The following WDR27 variants were observed in gnomAD, a reference collection of about 807,000 sequenced individuals.
WDR27 encodes WD repeat domain 27, also known as WD repeat-containing protein 27.
Under a neutral mutation model 114.4 loss-of-function variants are expected in WDR27, and 100 were observed. The ratio of observed to expected loss-of-function variants is 0.87; its 90% CI spans 0.74 to 1.03. The LOEUF is 1.03. Among genes scored for constraint, WDR27 ranks in the 50% least tolerant of loss-of-function variants. The pLI is 0.00. For missense variants in WDR27, 1,129 were observed against 1,092.9 expected, an observed-to-expected ratio of 1.03 and a Z score of -0.47; for synonymous variants, 449 against 423.1, an observed-to-expected ratio of 1.06 and a Z score of -0.75.
At chr6:169,554,808 G>A (rs542437924) in intron 25 of WDR27, among the ~76,000 whole-genome samples, 53 of 152,240 alleles carry the variant, frequency 3.5e-4, no homozygotes, top group African/African-American at 1.2e-3. Flanking sequence ...CATAAAACTC[G>A]CTTGGCTTCT....
At chr6:169,512,301 C>A (rs1793004326) in intron 25 of WDR27, among the ~76,000 whole-genome samples, 1 of 152,016 alleles carries the variant, frequency 6.6e-6, no homozygotes, top group Non-Finnish European at 1.5e-5. Context: ...TTTCAAAAAT[C>A]CAATACTTTG....
intron 16 of WDR27, 59 bp downstream of exon 16, chr6:169,647,714 G>T: frequency 2.3e-6 from 3 of 1,319,332 alleles, no homozygotes. Context: ...GTTTACAGTG[G>T]GCAGAATCAA....
chr6:169,642,231 C>G (rs1231543198), intron 17 of WDR27, among the ~76,000 whole-genome samples: 1 of 152,122 alleles, frequency 6.6e-6, no homozygotes, highest in Non-Finnish European at 1.5e-5. Context: ...TGAGCGATGC[C>G]ACTATTAAAC....
chr6:169,490,582 G>T (rs1226271252), intron 25 of WDR27, among the ~76,000 whole-genome samples: 1 of 152,174 alleles, frequency 6.6e-6, no homozygotes, highest in Non-Finnish European at 1.5e-5. Flanking sequence ...TAAATGCTTT[G>T]CCAGTGAAGC....
intron 16 of WDR27, among the ~76,000 whole-genome samples, chr6:169,645,058 A>AAAAAAAAAAAAAAAAAAAAC (rs1820298986): frequency 7.2e-6 from 1 of 138,384 alleles, no homozygotes; most frequent in Non-Finnish European, 1.5e-5. Context: ...AAAAAAAAAA[A>AAAAAAAAAAAAAAAAAAAAC]GAAAATCCTA....
intron 10 of WDR27, among the ~76,000 whole-genome samples, chr6:169,660,081 A>G (rs1825613851): frequency 6.7e-6 from 1 of 148,210 alleles, no homozygotes; most frequent in African/African-American, 2.5e-5. Flanking sequence ...AGTGGAGGAG[A>G]GGGACGGAAT....
chr6:169,457,741 C>G lies in WDR27; in HGVS notation c.2646-107G>C, dbSNP rs572654346. ...TGTTATTTTCCTTATTTTTAATGTT[C>G]TGGAACATCGAGTAAAATACATTAA... On this transcript the variant is annotated intron_variant, in intron 25 of 25. Transcript: ENST00000448612. The G allele has an allele frequency of 3.2e-4, 258 of 798,992 alleles. No individual in the cohort carries two copies. In the African/African-American group the frequency reaches 3.6e-3, roughly 11 times the overall value. 49.5% of individuals were successfully genotyped at this position (798,992 alleles called of 1,614,324 possible).
At chr6:169,533,378 T>C (rs1795838377) in intron 25 of WDR27, among the ~76,000 whole-genome samples, 1 of 151,490 alleles carries the variant, frequency 6.6e-6, no homozygotes, top group Admixed American at 6.6e-5. Context: ...TGCCCAGGAG[T>C]GACTGGGGAC....
At chr6:169,657,293 T>C (rs1481302048) in intron 13 of WDR27, among the ~76,000 whole-genome samples, 1 of 152,158 alleles carries the variant, frequency 6.6e-6, no homozygotes, top group East Asian at 1.9e-4. Flanking sequence ...TTTCAAAAAG[T>C]CTGGTAGGGA....
intron 2 of WDR27, among the ~76,000 whole-genome samples, chr6:169,688,062 C>T (rs1585172007): frequency 6.6e-6 from 1 of 152,064 alleles, no homozygotes; most frequent in Admixed American, 6.6e-5. Flanking sequence ...TTCTATTTAT[C>T]ATTCTATAAT....
chr6:169,664,183 C>G lies in WDR27; in HGVS notation c.887G>C (p.Gly296Ala). The G allele has an allele frequency of 1.2e-6, 2 of 1,603,500 alleles. No individual in the cohort carries two copies. The highest frequency in any genetic ancestry group is 8.5e-7 in the Non-Finnish European group (1 of 1,174,618). The change falls in exon 8 of 26, where the codon GGG becomes GCG. Residue 296 changes from glycine (G) to alanine (A), a missense_variant. Physicochemically the swap from Gly to Ala is moderately conservative, Grantham distance 60 (BLOSUM62 0). Coordinates refer to ENST00000448612, the MANE Select transcript of WDR27 (RefSeq NM_182552.5). ...CAACCCACCTGGCTGGCTGCACAGC[C>G]CAGACTTAACCCTTCTTGTGGAGAA... is the stretch of plus-strand genomic sequence containing the variant. The part of the protein sequence containing the change: ...ETFSTRRVKS[G>A]LCSQPEESQL...
At chr6:169,663,999 C>A (rs1358265347) in intron 8 of WDR27, among the ~76,000 whole-genome samples, 167 bp downstream of exon 8, 1 of 152,218 alleles carries the variant, frequency 6.6e-6, no homozygotes, top group East Asian at 1.9e-4. Flanking sequence ...TGATGGCCCA[C>A]CCCTCACATG....
At chr6:169,624,127 T>TGCC (rs1814092612) in intron 21 of WDR27, among the ~76,000 whole-genome samples, 1 of 150,480 alleles carries the variant, frequency 6.6e-6, no homozygotes, top group Non-Finnish European at 1.5e-5. Flanking sequence ...GGGTCAGGTG[T>TGCC]GTGGTGTCAG....
At chr6:169,645,023 T>TAAAAAAAAAAAAAAAAAAAAAA (rs776362942) in intron 16 of WDR27, among the ~76,000 whole-genome samples, 1 of 46,980 alleles carries the variant, frequency 2.1e-5, no homozygotes, top group Non-Finnish European at 3.9e-5. Flanking sequence ...AAAAAAAAAA[T>TAAAAAAAAAAAAAAAAAAAAAA]AAAAAAAAAA....
At chr6:169,646,157 C>T (rs1361169567) in intron 16 of WDR27, among the ~76,000 whole-genome samples, 4 of 152,318 alleles carry the variant, frequency 2.6e-5, no homozygotes, top group Non-Finnish European at 4.4e-5. Flanking sequence ...GGTGCCAGAC[C>T]GTGTTAATCC....
chr6:169,510,386 A>G (rs1020190846), intron 25 of WDR27, among the ~76,000 whole-genome samples: 4 of 151,788 alleles, frequency 2.6e-5, no homozygotes, highest in African/African-American at 9.7e-5. Context: ...CAACCCAAAT[A>G]TCCAACAATG....
At chr6:169,584,654 A>C (rs946976416) in intron 23 of WDR27, among the ~76,000 whole-genome samples, 2 of 152,202 alleles carry the variant, frequency 1.3e-5, no homozygotes, top group Non-Finnish European at 2.9e-5. Context: ...CCTTATGATT[A>C]GTGATGTGGA....
At chr6:169,691,069 G>T (rs1585194429) in intron 1 of WDR27, among the ~76,000 whole-genome samples, 1 of 152,180 alleles carries the variant, frequency 6.6e-6, no homozygotes, top group East Asian at 1.9e-4. Context: ...CAAAAAATTA[G>T]CAGGGTGTGG....
At chr6:169,671,858 C>T (rs988251202) in intron 3 of WDR27, 3 of 156,756 alleles carry the variant, frequency 1.9e-5, no homozygotes, top group African/African-American at 7.2e-5. Flanking sequence ...CAAGCCCTTC[C>T]TATTCACCAC....
Sources: gnomAD v4.1 joint callset for allele counts (sites outside exome capture counted in the v4.1 genomes callset) on GRCh38, gnomAD v4.1.1 for gene constraint, MANE v1.5 for transcripts, NCBI Gene and HGNC (gene_info 2026-07-23, HGNC 2026-07-21) for gene names.